GRM5: variants seen among roughly 807,000 people sequenced by gnomAD.
GRM5 encodes metabotropic glutamate receptor 5.
GRM5 carries 19 observed loss-of-function variants against 83.1 expected under a neutral mutation model. That is an observed-to-expected ratio of 0.23 (90% CI 0.16 to 0.34). The LOEUF (loss-of-function observed/expected upper bound fraction) is 0.34. GRM5 is among the 10% of genes least tolerant of loss of function. The pLI, the probability that GRM5 is intolerant of heterozygous loss-of-function variation, is 1.00. For missense variants in GRM5, 1,160 were observed against 1,588.3 expected, an observed-to-expected ratio of 0.73 and a Z score of 4.58; for synonymous variants, 675 against 633.6, an observed-to-expected ratio of 1.07 and a Z score of -0.98.
At chr11:88,827,889 C>A (rs1175739435) in intron 3 of GRM5, among the ~76,000 whole-genome samples, 2 of 152,008 alleles carry the variant, frequency 1.3e-5, no homozygotes, top group Non-Finnish European at 2.9e-5. Context: ...TGTTATAAGG[C>A]AATACATATT....
At chr11:89,060,589 G>C (rs949014758) in intron 1 of GRM5, among the ~76,000 whole-genome samples, 16 of 152,212 alleles carry the variant, frequency 1.1e-4, no homozygotes, top group African/African-American at 3.1e-4. Context: ...TTAATAAATA[G>C]TAGTTATTAG....
intron 3 of GRM5, among the ~76,000 whole-genome samples, chr11:88,842,912 C>A (rs1458306624): frequency 6.6e-6 from 1 of 152,188 alleles, no homozygotes; most frequent in South Asian, 2.1e-4. Flanking sequence ...TTATCCAAAA[C>A]TGAACTCATG....
At chr11:88,935,283 G>C (rs908799177) in intron 2 of GRM5, among the ~76,000 whole-genome samples, 1 of 151,820 alleles carries the variant, frequency 6.6e-6, no homozygotes, top group African/African-American at 2.4e-5. Flanking sequence ...GAATGTATAA[G>C]GTGACAAGAA....
At chr11:88,513,938 T>C (rs1941454645) in intron 9 of GRM5, among the ~76,000 whole-genome samples, 1 of 152,166 alleles carries the variant, frequency 6.6e-6, no homozygotes, top group Admixed American at 6.5e-5. Flanking sequence ...CTGAGATTTT[T>C]TTTTCAGCAT....
intron 1 of GRM5, among the ~76,000 whole-genome samples, chr11:89,060,460 A>T (rs1941969187): frequency 6.6e-6 from 1 of 152,174 alleles, no homozygotes; most frequent in Non-Finnish European, 1.5e-5. Flanking sequence ...GTTCTTTGAC[A>T]GTAGAATAAA....
intron 5 of GRM5, among the ~76,000 whole-genome samples, chr11:88,603,542 G>C (rs971179735): frequency 6.6e-6 from 1 of 151,990 alleles, no homozygotes; most frequent in South Asian, 2.1e-4. Context: ...ATGGATATAC[G>C]TAAGAGCCAA....
intron 3 of GRM5, among the ~76,000 whole-genome samples, chr11:88,664,613 A>AC (rs1939991776): frequency 6.6e-6 from 1 of 151,744 alleles, no homozygotes; most frequent in African/African-American, 2.4e-5. Context: ...TGCCCGGCTA[A>AC]TTTTTGTATT....
chr11:88,615,693 A>G (rs1276162623), intron 4 of GRM5, among the ~76,000 whole-genome samples: 1 of 152,074 alleles, frequency 6.6e-6, no homozygotes, highest in Admixed American at 6.6e-5. Context: ...AATAGCTGGC[A>G]AGCTTAGCTT....
chr11:89,056,497 G>A (rs1191069439), intron 1 of GRM5, among the ~76,000 whole-genome samples: 1 of 152,046 alleles, frequency 6.6e-6, no homozygotes, highest in Non-Finnish European at 1.5e-5. Context: ...TTTCATTCTT[G>A]ATCTCACATC....
intron 2 of GRM5, among the ~76,000 whole-genome samples, chr11:88,910,479 A>G (rs1172027175): frequency 3.3e-5 from 5 of 152,110 alleles, no homozygotes; most frequent in Non-Finnish European, 5.9e-5. Flanking sequence ...TAAACTCTAC[A>G]TTTAACTGTT....
chr11:88,967,976 G>C (rs1312827133), intron 2 of GRM5, among the ~76,000 whole-genome samples: 13 of 152,134 alleles, frequency 8.5e-5, no homozygotes, highest in Admixed American at 2.0e-4. Context: ...TTACAGGTGA[G>C]TCATGTTTAG....
chr11:88,505,990 A>G lies in GRM5; in HGVS notation c.*2602T>C, dbSNP rs1297096926. The G allele has an allele frequency of 6.6e-6, 1 of 152,216 alleles. No homozygotes were observed. Among genetic ancestry groups the G allele is most frequent in the Non-Finnish European group, 1.5e-5 (1 of 68,024 alleles). 9.4% of individuals were successfully genotyped at this position (152,216 alleles called of 1,614,324 possible). A position where few individuals can be genotyped will look rare whatever the true frequency, so the allele number is the denominator to read the frequency against. On this transcript the variant is annotated 3_prime_UTR_variant, in exon 10 of 10. Transcript: ENST00000305447. ...CAGAGTTAGCATCATTCCAAAATAA[A>G]AGATCTCAAGAATGCATTACTAATA...
intron 2 of GRM5, among the ~76,000 whole-genome samples, chr11:88,939,062 CT>C (rs1937998533): frequency 6.6e-6 from 1 of 151,538 alleles, no homozygotes; most frequent in Non-Finnish European, 1.5e-5. Flanking sequence ...AATAATTTTC[CT>C]TTTTCTTTGC....
At chr11:88,597,098 G>C (rs561446663) in intron 6 of GRM5, 86 bp downstream of exon 6, 4 of 770,168 alleles carry the variant, frequency 5.2e-6, no homozygotes, top group South Asian at 4.4e-5. Context: ...AGTAAAATAA[G>C]TGTCTAAAAT....
At chr11:88,707,015 G>T (rs750554917) in intron 3 of GRM5, among the ~76,000 whole-genome samples, 3 of 152,004 alleles carry the variant, frequency 2.0e-5, no homozygotes, top group African/African-American at 7.2e-5. Context: ...ATTTCTGCTG[G>T]AAGTGCTCCA....
At chr11:88,646,909 C>A (rs371751645) in intron 4 of GRM5, among the ~76,000 whole-genome samples, 4,685 of 83,558 alleles carry the variant, frequency 0.056, 113 homozygotes, top group Non-Finnish European at 0.11. Flanking sequence ...AAAAAAAACA[C>A]CACAAATTGG....
At chr11:88,816,241 A>G (rs1164477483) in intron 3 of GRM5, among the ~76,000 whole-genome samples, 4 of 137,986 alleles carry the variant, frequency 2.9e-5, no homozygotes, top group Admixed American at 1.4e-4. Flanking sequence ...AAAAAAAAAA[A>G]AAAAGAAATT....
intron 2 of GRM5, among the ~76,000 whole-genome samples, chr11:89,015,089 A>T (rs1288898510): frequency 6.6e-6 from 1 of 152,226 alleles, no homozygotes; most frequent in African/African-American, 2.4e-5. Flanking sequence ...TGTCAAAAGG[A>T]TGTGAGTTTA....
chr11:89,038,688 G>T (rs939496892), intron 2 of GRM5, among the ~76,000 whole-genome samples: 7 of 152,124 alleles, frequency 4.6e-5, no homozygotes, highest in Non-Finnish European at 1.0e-4. Context: ...ACAAAAATAT[G>T]CTCAAAAGAT....
Sources: allele counts gnomAD v4.1 joint callset (sites outside exome capture counted in the v4.1 genomes callset), GRCh38; gene constraint gnomAD v4.1.1; transcripts MANE v1.5; gene names NCBI Gene and HGNC (gene_info 2026-07-23, HGNC 2026-07-21).